BACH2: variants seen among roughly 807,000 people sequenced by gnomAD.
BACH2 encodes BACH transcriptional regulator 2, also known as transcription regulator protein BACH2.
Under a neutral mutation model 61.8 loss-of-function variants are expected in BACH2, and 5 were observed. That is an observed-to-expected ratio of 0.08 (90% CI 0.04 to 0.17). The LOEUF is 0.17. Ranked by LOEUF, BACH2 falls within the 10% of genes least tolerant of loss-of-function variation. The pLI is 1.00. For synonymous variants in BACH2, 446 were observed against 440.1 expected, an observed-to-expected ratio of 1.01 and a Z score of -0.17; for missense variants, 824 against 1,091.1, an observed-to-expected ratio of 0.76 and a Z score of 3.45.
At chr6:90,059,367 C>T (rs7454315) in intron 5 of BACH2, among the ~76,000 whole-genome samples, 19,708 of 146,936 alleles carry the variant, frequency 0.13, 3,875 homozygotes, top group African/African-American at 0.43. Flanking sequence ...AAAAGACACA[C>T]GAAAAAATGC....
At chr6:89,952,791 G>T (rs965626858) in intron 6 of BACH2, among the ~76,000 whole-genome samples, 10 of 152,230 alleles carry the variant, frequency 6.6e-5, no homozygotes, top group Non-Finnish European at 1.5e-4. Context: ...ACACAAACAC[G>T]TGTGTGCCCA....
chr6:90,209,263 C>G (rs1769260647), intron 3 of BACH2, among the ~76,000 whole-genome samples: 1 of 151,708 alleles, frequency 6.6e-6, no homozygotes, highest in Non-Finnish European at 1.5e-5. Context: ...ATGTACAACA[C>G]AGATCTTGGA....
At chr6:90,242,265 A>G (rs973791511) in intron 3 of BACH2, among the ~76,000 whole-genome samples, 5 of 152,190 alleles carry the variant, frequency 3.3e-5, no homozygotes, top group Non-Finnish European at 7.4e-5. Flanking sequence ...CTCTTCCCTG[A>G]ACTAGCAACC....
At chr6:89,958,114 T>C (rs1774524224) in intron 6 of BACH2, among the ~76,000 whole-genome samples, 1 of 151,022 alleles carries the variant, frequency 6.6e-6, no homozygotes, top group African/African-American at 2.5e-5. Context: ...CTCTATCTGA[T>C]CATTCAGTCA....
At chr6:90,260,149 T>C (rs1194455115) in intron 2 of BACH2, among the ~76,000 whole-genome samples, 1 of 152,214 alleles carries the variant, frequency 6.6e-6, no homozygotes, top group Non-Finnish European at 1.5e-5. Flanking sequence ...CACTATTCAT[T>C]TGAGATCTTT....
At chr6:90,291,582 C>CT (rs529225392) in intron 1 of BACH2, among the ~76,000 whole-genome samples, 1,788 of 135,706 alleles carry the variant, frequency 0.013, 41 homozygotes, top group African/African-American at 0.045. Context: ...CAACTACTGT[C>CT]TTTTTTTTTT....
chr6:90,045,303 G>C (rs1456120518), intron 5 of BACH2, among the ~76,000 whole-genome samples: 1 of 152,198 alleles, frequency 6.6e-6, no homozygotes, highest in African/African-American at 2.4e-5. Context: ...TGTGCAAGGT[G>C]TGTCAGCCTA....
intron 5 of BACH2, among the ~76,000 whole-genome samples, chr6:90,046,049 T>C (rs1356971771): frequency 6.6e-6 from 1 of 151,458 alleles, no homozygotes; most frequent in Non-Finnish European, 1.5e-5. Context: ...AAACAGGAAA[T>C]AAAGACCCCA....
At chr6:90,010,787 T>C (rs4053615) in intron 5 of BACH2, among the ~76,000 whole-genome samples, 35,986 of 152,180 alleles carry the variant, frequency 0.24, 4,550 homozygotes, top group Non-Finnish European at 0.28. Flanking sequence ...GACATTGTAA[T>C]AGGTCTATCA....
intron 1 of BACH2, among the ~76,000 whole-genome samples, chr6:90,293,753 C>G (rs186800525): frequency 1.3e-5 from 2 of 152,354 alleles, no homozygotes; most frequent in African/African-American, 4.8e-5. Flanking sequence ...TTCCTACCAT[C>G]ACTGCAAAGT....
intron 7 of BACH2, among the ~76,000 whole-genome samples, chr6:89,942,896 G>C (rs903528795): frequency 3.9e-5 from 6 of 152,236 alleles, no homozygotes; most frequent in African/African-American, 1.2e-4. Flanking sequence ...GCAGGACCGA[G>C]GTGGGTTTTT....
intron 6 of BACH2, among the ~76,000 whole-genome samples, chr6:89,954,465 A>G (rs562347692): frequency 2.3e-5 from 2 of 86,328 alleles, no homozygotes; most frequent in Non-Finnish European, 4.2e-5. Flanking sequence ...CCACCCCACA[A>G]CAGTCCCCAG....
chr6:90,280,203 G>T (rs1771817173), intron 1 of BACH2, among the ~76,000 whole-genome samples: 2 of 152,010 alleles, frequency 1.3e-5, no homozygotes, highest in Admixed American at 6.6e-5. Context: ...ATTCTTAACA[G>T]GTATTCAGAA....
intron 5 of BACH2, among the ~76,000 whole-genome samples, chr6:90,067,122 G>T (rs1357910172): frequency 1.3e-5 from 2 of 152,218 alleles, no homozygotes; most frequent in African/African-American, 4.8e-5. Flanking sequence ...TTTTGGCTGG[G>T]ACAGTCACTT....
intron 5 of BACH2, among the ~76,000 whole-genome samples, chr6:90,068,077 C>T (rs1008381234): frequency 6.6e-6 from 1 of 152,220 alleles, no homozygotes; most frequent in Non-Finnish European, 1.5e-5. Flanking sequence ...AACAAAATCA[C>T]TGCACTTATT....
chr6:89,941,517 C>T (rs941139889), intron 7 of BACH2, among the ~76,000 whole-genome samples: 1 of 152,230 alleles, frequency 6.6e-6, no homozygotes, highest in African/African-American at 2.4e-5. Flanking sequence ...CCAGGACAAA[C>T]AGTTCCTTGT....
At chr6:90,219,358 G>C (rs921965323) in intron 3 of BACH2, among the ~76,000 whole-genome samples, 16 of 152,206 alleles carry the variant, frequency 1.1e-4, no homozygotes, top group Non-Finnish European at 1.0e-4. Context: ...AGATAGCCAA[G>C]CGGGTGTTCC....
chr6:90,071,868 C>A (rs1051621400), intron 5 of BACH2, among the ~76,000 whole-genome samples: 2 of 152,144 alleles, frequency 1.3e-5, no homozygotes, highest in Non-Finnish European at 2.9e-5. Flanking sequence ...TTAAGAAAAT[C>A]ATAAGAGAAA....
At chr6:90,208,444 A>T (rs567320127) in intron 3 of BACH2, among the ~76,000 whole-genome samples, 38 of 152,376 alleles carry the variant, frequency 2.5e-4, no homozygotes, top group African/African-American at 9.1e-4. Flanking sequence ...CAACAAACTT[A>T]TGAAAAAATG....
Sources: gnomAD v4.1 joint callset for allele counts (sites outside exome capture counted in the v4.1 genomes callset) on GRCh38, gnomAD v4.1.1 for gene constraint, MANE v1.5 for transcripts, NCBI Gene and HGNC (gene_info 2026-07-23, HGNC 2026-07-21) for gene names.